The following COL24A1 variants were observed in gnomAD, a reference collection of about 807,000 sequenced individuals.
COL24A1 encodes collagen alpha-1(XXIV) chain.
Under a neutral mutation model 253.9 loss-of-function variants are expected in COL24A1, and 224 were observed. That is an observed-to-expected ratio of 0.88 (90% confidence interval 0.79 to 0.99). The LOEUF is 0.99. COL24A1 is among the 50% of genes least tolerant of loss of function. The pLI, the probability that COL24A1 is intolerant of heterozygous loss-of-function variation, is 0.00. For synonymous variants in COL24A1, 685 were observed against 673.7 expected (o/e 1.02, Z -0.26); for missense variants, 2,131 against 2,068.5 (o/e 1.03, Z -0.59).
At chr1:86,074,119 C>A (rs1449775909) in intron 7 of COL24A1, among the ~76,000 whole-genome samples, 1 of 152,114 alleles carries the variant, frequency 6.6e-6, no homozygotes, top group African/African-American at 2.4e-5. Context: ...ACAATATTAA[C>A]CTTAAATGTA....
At chr1:85,764,455 T>TACAC (rs71075861) in intron 53 of COL24A1, among the ~76,000 whole-genome samples, 1,855 of 137,292 alleles carry the variant, frequency 0.014, 19 homozygotes, top group Non-Finnish European at 0.019. Context: ...AGGTGGAGGA[T>TACAC]ACACACACAC....
chr1:86,126,040 G>A lies in COL24A1; in HGVS notation c.296C>T (p.Pro99Leu), dbSNP rs997089800. Reference sequence around the variant, plus strand: ...TGTAAACGGCTGCCCCAAGTTGACTGGTAAAATTTTCACGAAAGGTGTCTC... The same window carrying A: ...TGTAAACGGCTGCCCCAAGTTGACTAGTAAAATTTTCACGAAAGGTGTCTC... ...YIETPFVKIL[P>L]VNLGQPFTIL... The change falls in exon 3 of 60, where the codon CCA becomes CTA. Residue 99 changes from proline to leucine, a missense_variant. Pro to Leu is a moderately conservative substitution (Grantham distance 98). Coordinates refer to ENST00000370571, the MANE Select transcript of COL24A1 (RefSeq NM_152890.7). 6.2e-7 allele frequency: 1 copy of A among 1,613,580 alleles called. No individual in the cohort carries two copies. Among genetic ancestry groups the A allele is most frequent in the African/African-American group, 1.3e-5 (1 of 74,972 alleles).
chr1:85,853,474 T>C (rs910367038), intron 37 of COL24A1, among the ~76,000 whole-genome samples: 2 of 152,198 alleles, frequency 1.3e-5, no homozygotes, highest in Admixed American at 6.5e-5. Context: ...TTATATTCCT[T>C]TGGGTATATA....
At chr1:86,063,833 A>C in intron 7 of COL24A1, 74 bp from the exon 8 acceptor site, 1 of 1,115,414 alleles carries the variant, frequency 9.0e-7, no homozygotes, top group Non-Finnish European at 1.2e-6. Flanking sequence ...ATAGGTTGCA[A>C]GTTGCCTTAT....
chr1:86,085,620 G>A (rs956706285), intron 7 of COL24A1, among the ~76,000 whole-genome samples: 1 of 152,152 alleles, frequency 6.6e-6, no homozygotes, highest in Non-Finnish European at 1.5e-5. Context: ...AATCCATCTT[G>A]ATTCCAAACG....
intron 14 of COL24A1, among the ~76,000 whole-genome samples, chr1:86,027,115 T>C (rs1353687857): frequency 3.9e-5 from 6 of 152,178 alleles, no homozygotes; most frequent in Non-Finnish European, 8.8e-5. Flanking sequence ...TTCAGTTTTA[T>C]GCATTCACAA....
intron 47 of COL24A1, among the ~76,000 whole-genome samples, chr1:85,812,598 TGAAAGGCTAATGATAA>T (rs1279773260): frequency 2.0e-5 from 3 of 152,178 alleles, no homozygotes; most frequent in African/African-American, 7.2e-5. Context: ...ATAATGGGTT[TGAAAGGCTAATGATAA>T]GAAGGTCCGA....
chr1:86,046,444 G>A (rs192694112), intron 12 of COL24A1, among the ~76,000 whole-genome samples: 9 of 152,148 alleles, frequency 5.9e-5, no homozygotes, highest in East Asian at 1.9e-4. Flanking sequence ...GCTGAAGCAC[G>A]CATTTTAAAA....
intron 51 of COL24A1, among the ~76,000 whole-genome samples, chr1:85,781,682 CA>C (rs1225940097): frequency 6.6e-6 from 1 of 152,094 alleles, no homozygotes; most frequent in African/African-American, 2.4e-5. Flanking sequence ...TAACATGAAG[CA>C]TGAAATAGAG....
At chr1:85,894,601 C>A (rs922997379) in intron 31 of COL24A1, among the ~76,000 whole-genome samples, 1 of 151,904 alleles carries the variant, frequency 6.6e-6, no homozygotes. Context: ...CCACTCACTG[C>A]AATGTATCAG....
At chr1:85,865,845 C>T (rs1022856970) in intron 37 of COL24A1, among the ~76,000 whole-genome samples, 1 of 151,918 alleles carries the variant, frequency 6.6e-6, no homozygotes, top group African/African-American at 2.4e-5. Context: ...GGGTCCAGGC[C>T]TGACACTAAT....
chr1:85,781,230 G>T lies in COL24A1; in HGVS notation c.4328C>A (p.Thr1443Lys), dbSNP rs751190840. The change falls in exon 52 of 60, where the codon ACA becomes AAA. Residue 1443 changes from threonine to lysine, a missense_variant. Physicochemically the swap from Thr to Lys is moderately conservative, Grantham distance 78. Transcript: ENST00000370571. Reference sequence around the variant, plus strand: ...TTATGATAAACTTACAGTTCTACCTGTTGGGCCTATTATACCTTCTCTGCC... The same window carrying T: ...TTATGATAAACTTACAGTTCTACCTTTTGGGCCTATTATACCTTCTCTGCC... ...PLGREGIIGP[T>K]GRTGPRGEKG... 1.8e-5 allele frequency: 29 copies of T among 1,602,496 alleles called. No homozygotes were observed. In the Admixed American group the frequency reaches 4.6e-4, roughly 25 times the overall value.
At chr1:86,096,115 C>T (rs1448652147) in intron 5 of COL24A1, among the ~76,000 whole-genome samples, 1 of 152,042 alleles carries the variant, frequency 6.6e-6, no homozygotes, top group Non-Finnish European at 1.5e-5. Flanking sequence ...GCTTTAGGAC[C>T]AAATTCTCTA....
intron 47 of COL24A1, among the ~76,000 whole-genome samples, chr1:85,809,967 C>T (rs1270660400): frequency 1.3e-5 from 2 of 151,872 alleles, no homozygotes; most frequent in East Asian, 1.9e-4. Context: ...TCCATTATCC[C>T]CTTCCACCAA....
chr1:86,125,762 G>T lies in COL24A1; in HGVS notation c.574C>A (p.Pro192Thr). The T allele has an allele frequency of 6.2e-7, 1 of 1,611,958 alleles. No individual in the cohort carries two copies. The change falls in exon 3 of 60, where the codon CCA (proline) becomes ACA (threonine). Residue 192 changes from proline (P) to threonine (T), a missense_variant. Transcript: ENST00000370571. Reference protein sequence around the residue: ...GKKYFSTETIPEVQTFDSNSV... With the variant: ...GKKYFSTETITEVQTFDSNSV... Reference sequence around the variant, plus strand: ...TTAGAATCAAAGGTCTGAACTTCTGGAATAGTCTCTGTGCTAAAATATTTC... The same window carrying T: ...TTAGAATCAAAGGTCTGAACTTCTGTAATAGTCTCTGTGCTAAAATATTTC...
At chr1:86,118,085 T>C (rs6691959) in intron 3 of COL24A1, among the ~76,000 whole-genome samples, 55,151 of 150,034 alleles carry the variant, frequency 0.37, 10,442 homozygotes, top group South Asian at 0.53. Context: ...TTTTTCGAGA[T>C]GGAGTCTCAC....
At chr1:85,771,263 C>T (rs1000252122) in intron 53 of COL24A1, among the ~76,000 whole-genome samples, 2 of 151,878 alleles carry the variant, frequency 1.3e-5, no homozygotes, top group East Asian at 1.9e-4. Context: ...GCCTCCGACC[C>T]CCGACAGGCC....
rs1007561335 is a variant in COL24A1, at chr1:86,124,990, T to C, written c.1346A>G (p.Lys449Arg). ...AGCATCAGGATAAAATTCACCTTCT[T>C]TCCTTAGATCAAGGTGATTATCCAC... ...PSVDNHLDLR[K>R]EGEFYPDATY... Residue 449 changes from lysine to arginine, a missense_variant, in exon 3 of 60, where the codon AAA (lysine) becomes AGA (arginine). Transcript: ENST00000370571. 6.2e-7 allele frequency: 1 copy of C among 1,613,286 alleles called. No individual in the cohort carries two copies. Among genetic ancestry groups the C allele is most frequent in the Non-Finnish European group, 8.5e-7 (1 of 1,179,670 alleles).
intron 3 of COL24A1, among the ~76,000 whole-genome samples, chr1:86,119,299 T>A (rs915404522): frequency 6.6e-6 from 1 of 151,952 alleles, no homozygotes; most frequent in Admixed American, 6.6e-5. Flanking sequence ...AAAAAACTCC[T>A]CAGACCTCAA....
Sources: allele counts gnomAD v4.1 joint callset (sites outside exome capture counted in the v4.1 genomes callset), GRCh38; gene constraint gnomAD v4.1.1; transcripts MANE v1.5; gene names NCBI Gene and HGNC (gene_info 2026-07-23, HGNC 2026-07-21).